The following ZNF385D variants were observed in gnomAD, a reference collection of about 807,000 sequenced individuals.
ZNF385D encodes the protein zinc finger protein 659.
Under a neutral mutation model 35.8 loss-of-function variants are expected in ZNF385D, and 15 were observed. The ratio of observed to expected loss-of-function variants is 0.42; its 90% CI spans 0.28 to 0.64. The LOEUF is 0.64. Among genes scored for constraint, ZNF385D ranks in the 30% least tolerant of loss-of-function variants. ZNF385D has a pLI of 0.23. For missense variants in ZNF385D, 474 were observed against 494.6 expected (o/e 0.96, Z 0.39); for synonymous variants, 212 against 186.8 (o/e 1.13, Z -1.10).
intron 3 of ZNF385D, among the ~76,000 whole-genome samples, chr3:21,784,206 G>T (rs1389018579): frequency 6.6e-6 from 1 of 152,130 alleles, no homozygotes; most frequent in Non-Finnish European, 1.5e-5. Context: ...TGTTATTAAG[G>T]CTTCAAAATC....
chr3:22,025,416 A>G (rs554491955), intron 3 of ZNF385D, among the ~76,000 whole-genome samples: 90 of 152,266 alleles, frequency 5.9e-4, no homozygotes, highest in African/African-American at 1.8e-3. Flanking sequence ...GAGGTGTGCT[A>G]CACTCGAAAA....
chr3:21,666,207 C>T (rs575429375), intron 1 of ZNF385D, among the ~76,000 whole-genome samples: 8 of 152,270 alleles, frequency 5.3e-5, no homozygotes, highest in South Asian at 2.1e-4. Flanking sequence ...GTTACCAGAG[C>T]GCAAAATTAA....
chr3:22,175,574 C>A lies in ZNF385D; in HGVS notation c.107-6539G>T, dbSNP rs568769063. On this transcript the variant is annotated intron_variant, in intron 2 of 5. Transcript: ENST00000494108. ...CAGAAAATTAAGACTAGTAATGAAC[C>A]ATTATAGGCAAATATTTTTAAATCT... Among the ~76,000 whole-genome samples the A allele has an allele frequency of 3.9e-5, 6 of 151,910 alleles. No homozygotes were observed. In the East Asian group the frequency reaches 9.7e-4, roughly 24 times the overall value.
At position 22,127,851 on chromosome 3, in the gene ZNF385D, C is replaced by A. The variant is rs189750755; in HGVS notation, c.325+40966G>T. Among the ~76,000 whole-genome samples, 18 of 144,752 alleles carry A rather than the reference C, an allele frequency of 1.2e-4. 1 individual carries two copies. The highest frequency in any genetic ancestry group is 1.2e-3 in the Admixed American group (18 of 14,860). 95.0% of individuals were successfully genotyped at this position (144,752 alleles called of 152,430 possible). On this transcript the variant is annotated intron_variant, in intron 3 of 5. Coordinates refer to the ZNF385D transcript ENST00000494108. ...TTCTGTTTATATCATACTATACTAT[C>A]TATGTCTTTAAAAGTTGTAGTTATT...
At chr3:21,680,406 A>G (rs1321718337) in intron 1 of ZNF385D, among the ~76,000 whole-genome samples, 1 of 152,144 alleles carries the variant, frequency 6.6e-6, no homozygotes. Context: ...TTAATAAAAT[A>G]ATATTATCTT....
chr3:21,778,394 C>G (rs563323659), intron 3 of ZNF385D, among the ~76,000 whole-genome samples: 1 of 152,006 alleles, frequency 6.6e-6, no homozygotes, highest in Non-Finnish European at 1.5e-5. Flanking sequence ...TACAAAGAGC[C>G]TGAGCGAAAG....
At chr3:21,805,284 G>A (rs890411286) in intron 3 of ZNF385D, among the ~76,000 whole-genome samples, 1 of 152,178 alleles carries the variant, frequency 6.6e-6, no homozygotes, top group Admixed American at 6.5e-5. Flanking sequence ...TGTGTAAATA[G>A]TGTGTAGATT....
intron 3 of ZNF385D, among the ~76,000 whole-genome samples, chr3:22,034,622 G>C (rs1698202956): frequency 6.6e-6 from 1 of 152,148 alleles, no homozygotes; most frequent in Non-Finnish European, 1.5e-5. Flanking sequence ...AAAAGAAATA[G>C]ATGTTGGAGC....
At chr3:21,555,221 T>G (rs976048251) in intron 3 of ZNF385D, among the ~76,000 whole-genome samples, 4 of 152,044 alleles carry the variant, frequency 2.6e-5, no homozygotes, top group South Asian at 4.1e-4. Flanking sequence ...TGTAGTTTTT[T>G]TTTTTTTTTT....
chr3:21,567,317 A>G (rs2063183627), intron 2 of ZNF385D, among the ~76,000 whole-genome samples: 1 of 152,182 alleles, frequency 6.6e-6, no homozygotes, highest in Non-Finnish European at 1.5e-5. Flanking sequence ...AGGACATAGT[A>G]CAGGATTCTT....
At chr3:22,258,295 A>T (rs1354585554) in intron 2 of ZNF385D, among the ~76,000 whole-genome samples, 1 of 151,874 alleles carries the variant, frequency 6.6e-6, no homozygotes, top group African/African-American at 2.4e-5. Flanking sequence ...ATAAAATTAT[A>T]CACACAGCCA....
chr3:22,369,464 TAAC>T (rs953789463), intron 2 of ZNF385D, among the ~76,000 whole-genome samples: 12 of 152,242 alleles, frequency 7.9e-5, no homozygotes, highest in African/African-American at 2.9e-4. Flanking sequence ...AAAACCTCCT[TAAC>T]TACTGCCAAA....
intron 3 of ZNF385D, among the ~76,000 whole-genome samples, chr3:21,790,570 G>C (rs529138883): frequency 3.9e-5 from 6 of 152,186 alleles, no homozygotes; most frequent in Admixed American, 3.3e-4. Flanking sequence ...CAGTTCTCTA[G>C]GGCACAGAAG....
chr3:22,106,176 C>T (rs540058884), intron 3 of ZNF385D, among the ~76,000 whole-genome samples: 1 of 152,210 alleles, frequency 6.6e-6, no homozygotes, highest in Non-Finnish European at 1.5e-5. Context: ...TTCTCACTTG[C>T]TACCTGAGTT....
intron 1 of ZNF385D, among the ~76,000 whole-genome samples, chr3:21,748,632 C>A (rs1353136706): frequency 6.6e-6 from 1 of 152,128 alleles, no homozygotes; most frequent in Admixed American, 6.5e-5. Context: ...TCCCTTTGTC[C>A]CTGTTCTCCC....
intron 3 of ZNF385D, among the ~76,000 whole-genome samples, chr3:22,008,448 A>AG (rs1696360393): frequency 6.8e-6 from 1 of 146,374 alleles, no homozygotes; most frequent in African/African-American, 2.6e-5. Context: ...CGCCCCCCGG[A>AG]GTTCACAACA....
At chr3:21,897,778 C>T (rs957480893) in intron 3 of ZNF385D, among the ~76,000 whole-genome samples, 5 of 152,054 alleles carry the variant, frequency 3.3e-5, no homozygotes, top group Admixed American at 6.6e-5. Flanking sequence ...GGATTATATG[C>T]GCAGAACTTC....
At chr3:21,980,119 C>G (rs576753753) in intron 3 of ZNF385D, among the ~76,000 whole-genome samples, 1 of 152,262 alleles carries the variant, frequency 6.6e-6, no homozygotes, top group Admixed American at 6.6e-5. Flanking sequence ...GTTATTAAAG[C>G]AGCCTTATAG....
intron 4 of ZNF385D, among the ~76,000 whole-genome samples, chr3:21,449,457 A>G (rs1315578011): frequency 6.6e-6 from 1 of 152,158 alleles, no homozygotes; most frequent in African/African-American, 2.4e-5. Flanking sequence ...TGATAAGATA[A>G]TGTTTAAAAT....
Sources: gnomAD v4.1 joint callset for allele counts (sites outside exome capture counted in the v4.1 genomes callset) on GRCh38, gnomAD v4.1.1 for gene constraint, MANE v1.5 for transcripts, NCBI Gene and HGNC (gene_info 2026-07-23, HGNC 2026-07-21) for gene names.